Variants in YPEL1 observed in about 807,000 individuals in gnomAD.
YPEL1 encodes yippee like 1.
YPEL1 carries 7 observed loss-of-function variants against 17.3 expected under a neutral mutation model. That is an observed-to-expected ratio of 0.40 (90% CI 0.23 to 0.76). YPEL1 has a LOEUF of 0.76. YPEL1 is among the 30% of genes least tolerant of loss of function. YPEL1 has a pLI of 0.35. For synonymous variants in YPEL1, 59 were observed against 59.6 expected (o/e 0.99, Z 0.05); for missense variants, 91 against 155.5 (o/e 0.59, Z 2.21).
chr22:21,715,755 TCTTTTC>T (rs1376663081), intron 1 of YPEL1, among the ~76,000 whole-genome samples: 5 of 64,222 alleles, frequency 7.8e-5, no homozygotes, highest in Admixed American at 2.1e-4. Context: ...TTTTTCTTTT[TCTTTTC>T]TTTTTTTTTT....
In YPEL1 at chr22:21,701,364, G is replaced by A. The variant is rs548281900; in HGVS notation, c.271-146C>T. The A allele has an allele frequency of 2.0e-5, 12 of 593,342 alleles. No individual in the cohort carries two copies. In the East Asian group the frequency reaches 3.4e-4, roughly 17 times the overall value. 36.8% of individuals were successfully genotyped at this position (593,342 alleles called of 1,614,324 possible). Reference sequence around the variant, plus strand: ...GCGGTGCACTCATCCGGCGCTGGGAGGGTCTGTTCCAGGTGAGTCCATTGA... The same window carrying A: ...GCGGTGCACTCATCCGGCGCTGGGAAGGTCTGTTCCAGGTGAGTCCATTGA... On this transcript the variant is annotated intron_variant, in intron 4 of 4. Coordinates refer to ENST00000339468, the MANE Select transcript of YPEL1 (RefSeq NM_013313.5).
chr22:21,712,639 T>C (rs56108061), intron 1 of YPEL1, among the ~76,000 whole-genome samples: 40,106 of 150,732 alleles, frequency 0.27, 5,540 homozygotes, highest in Non-Finnish European at 0.31. Context: ...GGCAGCAGAA[T>C]TGCTTGAACC....
intron 1 of YPEL1, among the ~76,000 whole-genome samples, chr22:21,729,869 C>T (rs1253873761): frequency 1.3e-5 from 2 of 152,148 alleles, no homozygotes; most frequent in African/African-American, 2.4e-5. Flanking sequence ...CCAATAGAGG[C>T]TAGCACGGTG....
intron 1 of YPEL1, among the ~76,000 whole-genome samples, chr22:21,728,004 G>A (rs1278340121): frequency 6.6e-6 from 1 of 152,212 alleles, no homozygotes; most frequent in African/African-American, 2.4e-5. Context: ...TCTGCTGGGC[G>A]TGGCGATGAA....
At chr22:21,732,456 T>G (rs1295589435) in intron 1 of YPEL1, among the ~76,000 whole-genome samples, 1 of 152,206 alleles carries the variant, frequency 6.6e-6, no homozygotes, top group Non-Finnish European at 1.5e-5. Context: ...ACAATTTTGT[T>G]TATTAGTCTT....
chr22:21,722,575 C>A (rs560395756), intron 1 of YPEL1, among the ~76,000 whole-genome samples: 1 of 152,070 alleles, frequency 6.6e-6, no homozygotes, highest in East Asian at 1.9e-4. Context: ...CGACATCGTG[C>A]CACTGCATTC....
chr22:21,730,791 C>T (rs1030132950), intron 1 of YPEL1, among the ~76,000 whole-genome samples: 3 of 152,204 alleles, frequency 2.0e-5, no homozygotes, highest in Non-Finnish European at 4.4e-5. Flanking sequence ...CTCCATGGCC[C>T]TCTGTAGACT....
chr22:21,734,962 G>A (rs1311934342), intron 1 of YPEL1, among the ~76,000 whole-genome samples: 1 of 152,178 alleles, frequency 6.6e-6, no homozygotes, highest in Non-Finnish European at 1.5e-5. Context: ...CGGGGAAATT[G>A]ATGTCTTCCA....
Position 21,698,008 on chromosome 22 carries a change from C to T in YPEL1, c.*3121G>A, listed in dbSNP as rs746818771. On this transcript the variant is annotated 3_prime_UTR_variant, in exon 5 of 5. Coordinates refer to ENST00000339468, the MANE Select transcript of YPEL1 (RefSeq NM_013313.5). ...AAAACAATGCCAAACCACATTCCTACAGCAAATGCACTGTGCCATTTATAA... is the reference window on the plus strand; with the variant it reads ...AAAACAATGCCAAACCACATTCCTATAGCAAATGCACTGTGCCATTTATAA... The T allele has an allele frequency of 2.6e-5, 4 of 152,366 alleles. No individual in the cohort carries two copies. The highest frequency in any genetic ancestry group is 5.9e-5 in the Non-Finnish European group (4 of 68,018). The allele number at this position is 152,366 out of a possible 1,614,324, so 9.4% of individuals were successfully genotyped here.
At chr22:21,704,063 G>A in intron 2 of YPEL1, 181 bp from the exon 3 acceptor site, 1 of 747,952 alleles carries the variant, frequency 1.3e-6, no homozygotes, top group Non-Finnish European at 2.4e-6. Flanking sequence ...TAACGGAGCT[G>A]CAAGCTGTTT....
intron 1 of YPEL1, among the ~76,000 whole-genome samples, chr22:21,719,320 T>TA (rs1260355639): frequency 7.2e-5 from 11 of 152,230 alleles, no homozygotes; most frequent in Non-Finnish European, 1.6e-4. Context: ...CTTCACTTCT[T>TA]ACTGAACTCA....
intron 2 of YPEL1, 183 bp downstream of exon 2, chr22:21,710,445 G>T (rs1601628928): frequency 1.6e-6 from 1 of 625,798 alleles, no homozygotes; most frequent in East Asian, 2.7e-5. Context: ...TCACATCTGA[G>T]ATCGTGGCAC....
intron 2 of YPEL1, among the ~76,000 whole-genome samples, chr22:21,708,050 A>G (rs1194096614): frequency 6.6e-6 from 1 of 152,022 alleles, no homozygotes; most frequent in Non-Finnish European, 1.5e-5. Flanking sequence ...ATACAAACTT[A>G]GAGGCTGTGA....
intron 4 of YPEL1, among the ~76,000 whole-genome samples, chr22:21,701,823 G>A (rs2068069376): frequency 6.6e-6 from 1 of 152,190 alleles, no homozygotes; most frequent in Non-Finnish European, 1.5e-5. Context: ...ACTTTGGGAG[G>A]CCAAGGAAGG....
chr22:21,726,571 A>G (rs939364353), intron 1 of YPEL1, among the ~76,000 whole-genome samples: 1 of 152,122 alleles, frequency 6.6e-6, no homozygotes, highest in African/African-American at 2.4e-5. Flanking sequence ...CCCTCTGACC[A>G]CCAGTGTTCC....
At chr22:21,716,881 C>T (rs140390640) in intron 1 of YPEL1, among the ~76,000 whole-genome samples, 1 of 152,166 alleles carries the variant, frequency 6.6e-6, no homozygotes, top group African/African-American at 2.4e-5. Context: ...TACCTGTACT[C>T]ACGGAGGGAA....
chr22:21,714,036 A>ACCCC (rs201751159), intron 1 of YPEL1, among the ~76,000 whole-genome samples: 6 of 150,726 alleles, frequency 4.0e-5, no homozygotes, highest in African/African-American at 1.5e-4. Flanking sequence ...CCTGAGATGC[A>ACCCC]CCCCCCACCG....
At chr22:21,732,404 G>GT (rs1161280415) in intron 1 of YPEL1, among the ~76,000 whole-genome samples, 1 of 152,186 alleles carries the variant, frequency 6.6e-6, no homozygotes, top group Admixed American at 6.5e-5. Flanking sequence ...TCACAGAACA[G>GT]TTTGAAAGCA....
chr22:21,711,926 C>T (rs2068170248), intron 1 of YPEL1, among the ~76,000 whole-genome samples: 1 of 152,214 alleles, frequency 6.6e-6, no homozygotes, highest in African/African-American at 2.4e-5. Flanking sequence ...GTGGTCCCAG[C>T]ACTTTGGGAG....
Sources: gnomAD v4.1 joint callset for allele counts (sites outside exome capture counted in the v4.1 genomes callset) on GRCh38, gnomAD v4.1.1 for gene constraint, MANE v1.5 for transcripts, NCBI Gene and HGNC (gene_info 2026-07-23, HGNC 2026-07-21) for gene names.